Variants in ZFHX3 observed in about 807,000 individuals in gnomAD.
The protein encoded by ZFHX3 is zinc finger homeobox 3.
A neutral mutation model predicts 279.1 loss-of-function variants in ZFHX3; 42 were observed. That is an observed-to-expected ratio of 0.15 (90% CI 0.12 to 0.19). The LOEUF is 0.19. Ranked by LOEUF, ZFHX3 falls within the 10% of genes least tolerant of loss-of-function variation. The pLI, the probability that ZFHX3 is intolerant of heterozygous loss-of-function variation, is 1.00. For synonymous variants in ZFHX3, 2,293 were observed against 1,957.8 expected, an observed-to-expected ratio of 1.17 and a Z score of -4.52; for missense variants, 4,981 against 4,754.0, an observed-to-expected ratio of 1.05 and a Z score of -1.40.
intron 2 of ZFHX3, among the ~76,000 whole-genome samples, chr16:73,468,967 C>T (rs1053456203): frequency 1.3e-5 from 2 of 152,170 alleles, no homozygotes; most frequent in African/African-American, 4.8e-5. Context: ...GTGATAAGTG[C>T]TTTAGAATTT....
chr16:72,904,878 C>T (rs1340340119), intron 3 of ZFHX3, among the ~76,000 whole-genome samples: 1 of 152,158 alleles, frequency 6.6e-6, no homozygotes, highest in Non-Finnish European at 1.5e-5. Context: ...GTCACCCAGG[C>T]TAGAGTGCAG....
intron 1 of ZFHX3, among the ~76,000 whole-genome samples, chr16:73,783,244 A>G (rs1266976983): frequency 1.3e-5 from 2 of 152,212 alleles, no homozygotes; most frequent in Non-Finnish European, 2.9e-5. Context: ...TTCCCCAGTT[A>G]GAGACAAATC....
At chr16:73,044,369 G>C (rs1965219066) in intron 1 of ZFHX3, among the ~76,000 whole-genome samples, 1 of 152,174 alleles carries the variant, frequency 6.6e-6, no homozygotes, top group Admixed American at 6.5e-5. Flanking sequence ...AAACATCACA[G>C]AAATAGGCCA....
At chr16:73,154,704 G>T (rs917940033) in intron 5 of ZFHX3, among the ~76,000 whole-genome samples, 5 of 152,026 alleles carry the variant, frequency 3.3e-5, no homozygotes, top group African/African-American at 4.8e-5. Context: ...AATATGTTCT[G>T]GGGAAAAAGT....
chr16:72,858,092 AG>A (rs2143876788), intron 4 of ZFHX3, among the ~76,000 whole-genome samples: 1 of 152,320 alleles, frequency 6.6e-6, no homozygotes, highest in East Asian at 1.9e-4. Context: ...CTCTGACGGC[AG>A]GGGTGGGCTT....
intron 2 of ZFHX3, among the ~76,000 whole-genome samples, chr16:73,673,346 T>C (rs757008849): frequency 7.2e-5 from 11 of 152,170 alleles, no homozygotes; most frequent in Non-Finnish European, 1.5e-4. Flanking sequence ...ATATATGACA[T>C]AGTTTGTTTC....
At chr16:73,810,894 T>C (rs181895628) in intron 1 of ZFHX3, among the ~76,000 whole-genome samples, 209 of 152,176 alleles carry the variant, frequency 1.4e-3, no homozygotes, top group Admixed American at 3.5e-3. Flanking sequence ...AATTTTATAA[T>C]ATACCTATAA....
chr16:72,886,749 C>A (rs1437362880), intron 4 of ZFHX3, among the ~76,000 whole-genome samples: 2 of 152,190 alleles, frequency 1.3e-5, no homozygotes, highest in Non-Finnish European at 2.9e-5. Flanking sequence ...AATGACTCAA[C>A]AGTGCACTAA....
intron 3 of ZFHX3, among the ~76,000 whole-genome samples, chr16:73,366,900 C>T (rs2016540776): frequency 6.6e-6 from 1 of 152,174 alleles, no homozygotes; most frequent in South Asian, 2.1e-4. Context: ...AGTTCTTTGA[C>T]ATAGCTGAAA....
At chr16:72,826,099 T>C (rs2036922640) in intron 5 of ZFHX3, among the ~76,000 whole-genome samples, 1 of 152,192 alleles carries the variant, frequency 6.6e-6, no homozygotes, top group Non-Finnish European at 1.5e-5. Context: ...ACTCAGCCAT[T>C]GATCGTGGAA....
chr16:73,178,094 T>C (rs951062583), intron 5 of ZFHX3, among the ~76,000 whole-genome samples: 23 of 152,296 alleles, frequency 1.5e-4, no homozygotes, highest in Admixed American at 1.4e-3. Context: ...TGAAGCAATG[T>C]AAATTAGTTT....
chr16:72,909,335 A>G (rs1027850543), intron 3 of ZFHX3, among the ~76,000 whole-genome samples: 1 of 152,196 alleles, frequency 6.6e-6, no homozygotes, highest in African/African-American at 2.4e-5. Flanking sequence ...ACGGCAGCAC[A>G]TAAAAGAATA....
At chr16:72,821,756 G>C (rs1211068270) in intron 5 of ZFHX3, among the ~76,000 whole-genome samples, 1 of 152,198 alleles carries the variant, frequency 6.6e-6, no homozygotes, top group African/African-American at 2.4e-5. Context: ...GTCTACACAT[G>C]GTTTCTGTGC....
chr16:72,971,046 T>A (rs1223554372), intron 1 of ZFHX3, among the ~76,000 whole-genome samples: 1 of 152,214 alleles, frequency 6.6e-6, no homozygotes, highest in Non-Finnish European at 1.5e-5. Flanking sequence ...GCTTTTTTCC[T>A]CTGCACGTTT....
chr16:73,764,204 A>G (rs2053902466), intron 1 of ZFHX3, among the ~76,000 whole-genome samples: 1 of 152,158 alleles, frequency 6.6e-6, no homozygotes, highest in African/African-American at 2.4e-5. Flanking sequence ...AGCTCTTTGG[A>G]AGCAAATTTC....
intron 3 of ZFHX3, among the ~76,000 whole-genome samples, chr16:72,902,363 C>T (rs981144015): frequency 1.3e-5 from 2 of 152,174 alleles, no homozygotes; most frequent in African/African-American, 4.8e-5. Context: ...TAGCCCGGAC[C>T]AGCTTAATGA....
chr16:73,262,490 C>T (rs998487017), intron 4 of ZFHX3, among the ~76,000 whole-genome samples: 3 of 152,124 alleles, frequency 2.0e-5, no homozygotes, highest in Non-Finnish European at 4.4e-5. Context: ...CTCTATCTGC[C>T]TCAGTTTCCT....
chr16:72,940,305 T>A (rs1240111114), intron 3 of ZFHX3, among the ~76,000 whole-genome samples: 4 of 152,160 alleles, frequency 2.6e-5, no homozygotes, highest in Non-Finnish European at 4.4e-5. Context: ...CAAATGTTGT[T>A]GACCCAGGGA....
chr16:73,010,210 C>A (rs1019501444), intron 1 of ZFHX3, among the ~76,000 whole-genome samples: 7 of 152,070 alleles, frequency 4.6e-5, no homozygotes, highest in African/African-American at 1.7e-4. Flanking sequence ...AGCCACCCAG[C>A]AGCCACCCTA....
Sources: gnomAD v4.1 joint callset for allele counts (sites outside exome capture counted in the v4.1 genomes callset) on GRCh38, gnomAD v4.1.1 for gene constraint, MANE v1.5 for transcripts, NCBI Gene and HGNC (gene_info 2026-07-23, HGNC 2026-07-21) for gene names.